The following ZNF721 variants were observed in gnomAD, a reference collection of about 807,000 sequenced individuals.
ZNF721 encodes the protein zinc finger protein 721.
A neutral mutation model predicts 2.4 loss-of-function variants in ZNF721; 2 were observed. That is an observed-to-expected ratio of 0.82 (90% CI 0.34 to 2.58). The LOEUF (loss-of-function observed/expected upper bound fraction) is 2.58. ZNF721 is among the 30% of genes most tolerant of loss of function. The pLI is 0.11. For missense variants in ZNF721, 1,187 were observed against 1,085.5 expected (o/e 1.09, Z -1.31); for synonymous variants, 398 against 381.8 (o/e 1.04, Z -0.50).
intron 1 of ZNF721, among the ~76,000 whole-genome samples, chr4:480,557 ACT>A (rs1370278466): frequency 6.6e-5 from 10 of 151,148 alleles, no homozygotes; most frequent in South Asian, 2.1e-4. Flanking sequence ...TGCCCCTTTT[ACT>A]CTCTCTCCAG....
chr4:481,302 T>C (rs374326856), intron 1 of ZNF721, among the ~76,000 whole-genome samples: 6 of 152,208 alleles, frequency 3.9e-5, no homozygotes, highest in Non-Finnish European at 5.9e-5. Context: ...CAACAGTGCA[T>C]GGGGGTTCCA....
chr4:472,413 C>A (rs747283328), intron 2 of ZNF721, among the ~76,000 whole-genome samples, 162 bp downstream of exon 2: 17 of 152,180 alleles, frequency 1.1e-4, no homozygotes, highest in Non-Finnish European at 2.1e-4. Context: ...TTCTGAGAAT[C>A]TATCAACAAT....
intron 2 of ZNF721, among the ~76,000 whole-genome samples, chr4:459,242 C>T (rs1714941505): frequency 6.6e-6 from 1 of 152,174 alleles, no homozygotes; most frequent in Non-Finnish European, 1.5e-5. Flanking sequence ...ACTGCACCAA[C>T]TAATGGGCAA....
chr4:486,411 C>T (rs1553870394), intron 1 of ZNF721, among the ~76,000 whole-genome samples: 1 of 152,184 alleles, frequency 6.6e-6, no homozygotes, highest in Non-Finnish European at 1.5e-5. Context: ...CCCGCCTTGG[C>T]CTACCAAAGT....
chr4:471,592 T>A (rs1374645885), intron 2 of ZNF721, among the ~76,000 whole-genome samples: 1 of 152,164 alleles, frequency 6.6e-6, no homozygotes, highest in Non-Finnish European at 1.5e-5. Flanking sequence ...AATTTTTAGT[T>A]ATAAGTTGAA....
intron 2 of ZNF721, among the ~76,000 whole-genome samples, chr4:445,317 C>A (rs1714437260): frequency 6.6e-6 from 1 of 151,982 alleles, no homozygotes; most frequent in Non-Finnish European, 1.5e-5. Flanking sequence ...CATGAAGAAA[C>A]CCTTTTAACT....
At chr4:445,024 G>A (rs10014901) in intron 2 of ZNF721, among the ~76,000 whole-genome samples, 1,413 of 127,394 alleles carry the variant, frequency 0.011, 21 homozygotes, top group African/African-American at 0.041. Flanking sequence ...TCACTCTGTC[G>A]CCCAGGCTGG....
intron 2 of ZNF721, among the ~76,000 whole-genome samples, chr4:449,928 C>T (rs1190857164): frequency 6.6e-6 from 1 of 152,024 alleles, no homozygotes; most frequent in Non-Finnish European, 1.5e-5. Context: ...GAAAAGGAAA[C>T]ACATACAGTC....
intron 2 of ZNF721, among the ~76,000 whole-genome samples, chr4:447,804 A>G (rs1553864364): frequency 6.6e-6 from 1 of 150,564 alleles, no homozygotes; most frequent in Non-Finnish European, 1.5e-5. Context: ...AAGAAAGGCC[A>G]TTAAACAATA....
intron 1 of ZNF721, among the ~76,000 whole-genome samples, chr4:490,354 T>TA (rs1715990652): frequency 6.6e-6 from 1 of 151,868 alleles, no homozygotes; most frequent in South Asian, 2.1e-4. Flanking sequence ...CAGGCGCCTG[T>TA]AGTCCCAGCT....
rs1205052326 is a variant in ZNF721 at position 498,237 on chromosome 4, AAAAG to A, written c.-94+815_-94+818del. On this transcript the variant is annotated intron_variant, in intron 1 of 2. Coordinates refer to ENST00000511833, the MANE Select transcript of ZNF721 (RefSeq NM_133474.4). ...AAAGAAAAAAAAAAAAAAAAAAAAA[AAAAG>A]AAGGACATTGGTTCTGTCCAGAAAG... Among the ~76,000 whole-genome samples, 6 of 149,520 alleles carry A rather than the reference AAAAG, an allele frequency of 4.0e-5. No homozygotes were observed. The East Asian group carries it at 9.7e-4, about 24-fold the overall frequency.
chr4:494,597 C>T (rs61675960), intron 1 of ZNF721, among the ~76,000 whole-genome samples: 3 of 152,018 alleles, frequency 2.0e-5, no homozygotes, highest in Admixed American at 2.0e-4. Context: ...AGTAGTCTTA[C>T]ATTTGCATAA....
chr4:475,063 T>C (rs1208767367), intron 1 of ZNF721, among the ~76,000 whole-genome samples: 1 of 151,924 alleles, frequency 6.6e-6, no homozygotes, highest in Non-Finnish European at 1.5e-5. Flanking sequence ...GGGGGGCGCC[T>C]GTAGTCCCAG....
intron 2 of ZNF721, among the ~76,000 whole-genome samples, chr4:447,412 T>C (rs1010949778): frequency 1.1e-4 from 17 of 151,848 alleles, no homozygotes; most frequent in African/African-American, 3.6e-4. Context: ...AGTATCTCTA[T>C]AGATACGCCA....
chr4:489,925 C>T (rs1715981622), intron 1 of ZNF721, among the ~76,000 whole-genome samples: 3 of 152,026 alleles, frequency 2.0e-5, no homozygotes, highest in Admixed American at 2.0e-4. Flanking sequence ...AGCAGTGTGA[C>T]CTCGGCTCAC....
chr4:482,380 G>A (rs1553869668), intron 1 of ZNF721, among the ~76,000 whole-genome samples: 1 of 152,150 alleles, frequency 6.6e-6, no homozygotes, highest in Non-Finnish European at 1.5e-5. Context: ...GGTCAGGCTG[G>A]CCTCAAACTC....
At chr4:450,545 A>C (rs1714614001) in intron 2 of ZNF721, among the ~76,000 whole-genome samples, 1 of 152,178 alleles carries the variant, frequency 6.6e-6, no homozygotes, top group Non-Finnish European at 1.5e-5. Flanking sequence ...TCAGGAAAAA[A>C]AATATGGACA....
intron 1 of ZNF721, among the ~76,000 whole-genome samples, chr4:491,305 C>A (rs1716014137): frequency 6.6e-6 from 1 of 152,096 alleles, no homozygotes; most frequent in African/African-American, 2.4e-5. Flanking sequence ...GTAATCCTAG[C>A]TACTCAGGAG....
chr4:458,630 A>G (rs1176686322), intron 2 of ZNF721, among the ~76,000 whole-genome samples: 2 of 152,086 alleles, frequency 1.3e-5, no homozygotes, highest in African/African-American at 4.8e-5. Flanking sequence ...CATATCACCC[A>G]AGGTCAGGAG....
Sources: allele counts gnomAD v4.1 joint callset (sites outside exome capture counted in the v4.1 genomes callset), GRCh38; gene constraint gnomAD v4.1.1; transcripts MANE v1.5; gene names NCBI Gene and HGNC (gene_info 2026-07-23, HGNC 2026-07-21).